Variants in TRPM6 observed in about 807,000 individuals in gnomAD.
The protein encoded by TRPM6 is channel kinase 2.
In TRPM6, 111 loss-of-function variants were observed where a neutral mutation model predicts 247.6. That is an observed-to-expected ratio of 0.45 (90% CI 0.38 to 0.52). The LOEUF is 0.52. TRPM6 is among the 20% of genes least tolerant of loss of function. TRPM6 has a pLI of 0.00. For missense variants in TRPM6, 2,126 were observed against 2,421.5 expected, an observed-to-expected ratio of 0.88 and a Z score of 2.56; for synonymous variants, 892 against 853.8, an observed-to-expected ratio of 1.04 and a Z score of -0.78.
At chr9:74,798,556 G>C (rs1367443458) in intron 17 of TRPM6, among the ~76,000 whole-genome samples, 1 of 152,142 alleles carries the variant, frequency 6.6e-6, no homozygotes, top group Non-Finnish European at 1.5e-5. Context: ...AATAGTATTT[G>C]ACAACATCAG....
intron 12 of TRPM6, among the ~76,000 whole-genome samples, chr9:74,811,431 G>C (rs1451323990): frequency 6.6e-6 from 1 of 152,120 alleles, no homozygotes; most frequent in Non-Finnish European, 1.5e-5. Flanking sequence ...GAAAGAATAA[G>C]ATTTAAAGGA....
Position 74,800,403 on chromosome 9 carries a change from A to T in TRPM6, c.2089T>A (p.Tyr697Asn), listed in dbSNP as rs1416948138. Residue 697 changes from tyrosine (Y) to asparagine (N), a missense_variant, in exon 17 of 39, where the codon TAT becomes AAT. This residue lies in a region of TRPM6 where 1,082 missense variants were observed against 1,307.9 expected (regional missense o/e 0.83). Transcript: ENST00000360774. ...GAATTGCTCCAGTTCCTGAGTTCAT[A>T]CGTCAACAGCGTCATGGCCATGCGC... ...NERMAMTLLT[Y>N]ELRNWSNSTC... The T allele has an allele frequency of 2.5e-6, 4 of 1,613,942 alleles. No homozygotes were observed. Among genetic ancestry groups the T allele is most frequent in the Non-Finnish European group, 3.4e-6 (4 of 1,180,026 alleles).
At chr9:74,798,449 C>A (rs1315773259) in intron 17 of TRPM6, among the ~76,000 whole-genome samples, 1 of 152,100 alleles carries the variant, frequency 6.6e-6, no homozygotes, top group African/African-American at 2.4e-5. Flanking sequence ...AGTTATCATG[C>A]CCAGTGGTAA....
chr9:74,748,173 C>T (rs867759481), intron 30 of TRPM6, among the ~76,000 whole-genome samples: 4 of 152,122 alleles, frequency 2.6e-5, no homozygotes, highest in East Asian at 3.8e-4. Flanking sequence ...AATGTCACAG[C>T]GCAATGCATT....
intron 15 of TRPM6, among the ~76,000 whole-genome samples, chr9:74,803,182 C>T (rs1009447657): frequency 5.3e-5 from 8 of 152,040 alleles, no homozygotes; most frequent in African/African-American, 1.9e-4. Flanking sequence ...GGAAAGCAAA[C>T]CTCTTTCAGC....
chr9:74,733,719 C>T (rs890403396), intron 36 of TRPM6, among the ~76,000 whole-genome samples: 1 of 152,072 alleles, frequency 6.6e-6, no homozygotes, highest in African/African-American at 2.4e-5. Flanking sequence ...CCACCATGCC[C>T]GGCTAATTTT....
intron 1 of TRPM6, among the ~76,000 whole-genome samples, chr9:74,882,564 C>T (rs1294641191): frequency 6.6e-6 from 1 of 152,174 alleles, no homozygotes; most frequent in Admixed American, 6.5e-5. Flanking sequence ...AATGAGATAT[C>T]ATCTCGCTCC....
In TRPM6 at chr9:74,762,093, C is replaced by T; in HGVS notation, c.4578G>A (p.Trp1526Ter). Residue 1526 changes from tryptophan to a stop codon, truncating the protein, a stop_gained, in exon 26 of 39, where the codon TGG (tryptophan) becomes TGA (stop). Transcript: ENST00000360774. LOFTEE classifies it high-confidence loss of function. ...GCCTGTATCTGCGGAGAGGATTGAT[C>T]CAAAAGGATGTGTTTGGCTGAAGCC... Reference protein sequence around the residue: ...GPWLQPNTSFWINPLRRYRPF... With the variant: ...GPWLQPNTSF 1 of 1,614,174 alleles carries T rather than the reference C, an allele frequency of 6.2e-7. No individual in the cohort carries two copies. The highest frequency in any genetic ancestry group is 8.5e-7 in the Non-Finnish European group (1 of 1,180,030).
At chr9:74,824,823 T>G (rs951311829) in intron 7 of TRPM6, among the ~76,000 whole-genome samples, 3 of 152,060 alleles carry the variant, frequency 2.0e-5, no homozygotes, top group African/African-American at 4.8e-5. Flanking sequence ...GAAGCTGACA[T>G]TGGCCACATT....
intron 23 of TRPM6, among the ~76,000 whole-genome samples, chr9:74,778,603 G>A (rs1827308097): frequency 6.6e-6 from 1 of 152,138 alleles, no homozygotes; most frequent in Admixed American, 6.5e-5. Context: ...CTGTTCTCTG[G>A]GCCGTTTGCA....
intron 37 of TRPM6, among the ~76,000 whole-genome samples, chr9:74,730,073 C>T (rs1236011256): frequency 2.6e-5 from 4 of 152,136 alleles, no homozygotes; most frequent in Non-Finnish European, 4.4e-5. Flanking sequence ...CTACCCGCTA[C>T]AGCACGCCTA....
chr9:74,850,817 C>T (rs770298981), intron 3 of TRPM6, among the ~76,000 whole-genome samples: 3 of 152,154 alleles, frequency 2.0e-5, no homozygotes, highest in African/African-American at 7.2e-5. Flanking sequence ...ACAGTAATCC[C>T]AAATGTACCG....
At chr9:74,741,985 A>G (rs1307305453) in intron 33 of TRPM6, among the ~76,000 whole-genome samples, 1 of 152,170 alleles carries the variant, frequency 6.6e-6, no homozygotes, top group East Asian at 1.9e-4. Flanking sequence ...ATCAAGATCA[A>G]GGACACTTTG....
intron 21 of TRPM6, among the ~76,000 whole-genome samples, chr9:74,783,998 G>A (rs1827555425): frequency 6.6e-6 from 1 of 152,182 alleles, no homozygotes; most frequent in African/African-American, 2.4e-5. Context: ...GCTCACGCCT[G>A]TAATCCCAGC....
chr9:74,799,935 T>G (rs1036633264), intron 17 of TRPM6: 1 of 388,760 alleles, frequency 2.6e-6, no homozygotes, highest in South Asian at 2.4e-5. Flanking sequence ...GTCACCCCAT[T>G]GATCGCCAGG....
intron 5 of TRPM6, among the ~76,000 whole-genome samples, chr9:74,835,669 T>A (rs901348282): frequency 2.6e-4 from 40 of 152,106 alleles, no homozygotes; most frequent in Non-Finnish European, 5.1e-4. Context: ...AGGCAAAAAA[T>A]TGTGGCACTG....
intron 5 of TRPM6, among the ~76,000 whole-genome samples, chr9:74,835,282 T>C (rs373395000): frequency 9.2e-5 from 14 of 152,276 alleles, no homozygotes; most frequent in East Asian, 5.8e-4. Context: ...GATGGGGTTG[T>C]TTGATTTCTT....
intron 23 of TRPM6, 51 bp from the exon 24 acceptor site, chr9:74,776,127 G>C: frequency 6.7e-7 from 1 of 1,499,600 alleles, no homozygotes; most frequent in Non-Finnish European, 9.3e-7. Context: ...AGTCTTGAAA[G>C]GTAACAGAGT....
intron 37 of TRPM6, among the ~76,000 whole-genome samples, chr9:74,729,882 C>CA (rs1404308771): frequency 7.9e-5 from 12 of 152,120 alleles, no homozygotes; most frequent in African/African-American, 2.9e-4. Flanking sequence ...TAAAAACCCC[C>CA]AACTTAGAGA....
Sources: gnomAD v4.1 joint callset for allele counts (sites outside exome capture counted in the v4.1 genomes callset) on GRCh38, gnomAD v4.1.1 for gene constraint, gnomAD v4.1.1 regional missense constraint, MANE v1.5 for transcripts, NCBI Gene and HGNC (gene_info 2026-07-23, HGNC 2026-07-21) for gene names.